Variants in KCNH7 observed in about 807,000 individuals in gnomAD.
KCNH7 encodes potassium voltage-gated channel subfamily H member 7.
KCNH7 carries 49 observed loss-of-function variants against 120.8 expected under a neutral mutation model. That is an observed-to-expected ratio of 0.41 (90% CI 0.32 to 0.51). The LOEUF (loss-of-function observed/expected upper bound fraction) is 0.51. Among genes scored for constraint, KCNH7 ranks in the 20% least tolerant of loss-of-function variants. The pLI is 0.38. For missense variants in KCNH7, 1,097 were observed against 1,446.6 expected, an observed-to-expected ratio of 0.76 and a Z score of 3.92; for synonymous variants, 547 against 516.1, an observed-to-expected ratio of 1.06 and a Z score of -0.81.
chr2:162,437,039 T>G (rs370498154), intron 7 of KCNH7, among the ~76,000 whole-genome samples: 1 of 152,146 alleles, frequency 6.6e-6, no homozygotes, highest in East Asian at 1.9e-4. Flanking sequence ...GAGGATCACT[T>G]GAGCCCAGGA....
At chr2:162,530,518 G>A (rs1219558346) in intron 3 of KCNH7, among the ~76,000 whole-genome samples, 7 of 151,864 alleles carry the variant, frequency 4.6e-5, no homozygotes, top group African/African-American at 1.7e-4. Flanking sequence ...TAGTGAGAGA[G>A]TAAGCATTGG....
At chr2:162,778,995 C>T (rs1234182331) in intron 2 of KCNH7, among the ~76,000 whole-genome samples, 3 of 140,334 alleles carry the variant, frequency 2.1e-5, no homozygotes, top group Admixed American at 1.5e-4. Context: ...CTAGGTCATT[C>T]AAACGCAATT....
chr2:162,414,689 G>A (rs541005229), intron 9 of KCNH7, among the ~76,000 whole-genome samples: 1 of 151,994 alleles, frequency 6.6e-6, no homozygotes, highest in South Asian at 2.1e-4. Flanking sequence ...AGTTATGGAA[G>A]TTTACACACA....
chr2:162,741,095 C>T (rs919891590), intron 2 of KCNH7, among the ~76,000 whole-genome samples: 3 of 151,962 alleles, frequency 2.0e-5, no homozygotes, highest in Non-Finnish European at 4.4e-5. Flanking sequence ...ACCTAGTCTT[C>T]TAAGTATAAA....
In KCNH7 at chr2:162,429,877, AT is replaced by A. The variant is rs780846857; in HGVS notation, c.1954+5320del. Reference sequence around the variant, plus strand: ...AAAATTTCTATCATTAAAAAAACAGATTTTTTTTTTTGCTTGCCTTCATCAT... The same window carrying A: ...AAAATTTCTATCATTAAAAAAACAGATTTTTTTTTTGCTTGCCTTCATCAT... On this transcript the variant is annotated intron_variant, in intron 8 of 15. Coordinates refer to ENST00000332142, the MANE Select transcript of KCNH7 (RefSeq NM_033272.4). 1.3e-3 allele frequency among the ~76,000 whole-genome samples: 185 copies of A among 145,050 alleles called. 2 individuals carry two copies. Among genetic ancestry groups the A allele is most frequent in the East Asian group, 0.011 (55 of 4,980 alleles).
chr2:162,508,840 G>A (rs572597704), intron 5 of KCNH7, among the ~76,000 whole-genome samples: 4 of 151,416 alleles, frequency 2.6e-5, no homozygotes, highest in Non-Finnish European at 5.9e-5. Context: ...TGAAAGAAAG[G>A]AGAATAACCT....
chr2:162,537,423 A>G (rs918632312), intron 2 of KCNH7, among the ~76,000 whole-genome samples: 1 of 152,050 alleles, frequency 6.6e-6, no homozygotes, highest in African/African-American at 2.4e-5. Flanking sequence ...TTTTCTTATA[A>G]ATTTTGATTA....
intron 14 of KCNH7, among the ~76,000 whole-genome samples, chr2:162,378,739 T>C (rs551006462): frequency 6.6e-6 from 1 of 152,326 alleles, no homozygotes; most frequent in South Asian, 2.1e-4. Flanking sequence ...GATATCAGTA[T>C]CATCGCATCT....
chr2:162,706,484 C>T (rs1360536420), intron 2 of KCNH7, among the ~76,000 whole-genome samples: 2 of 151,954 alleles, frequency 1.3e-5, no homozygotes, highest in Non-Finnish European at 2.9e-5. Context: ...GACTGATGGT[C>T]ACAGTCATTA....
At chr2:162,572,597 T>C (rs113603988) in intron 2 of KCNH7, among the ~76,000 whole-genome samples, 24,268 of 72,640 alleles carry the variant, frequency 0.33, 4,048 homozygotes, top group Middle Eastern at 0.53. Flanking sequence ...CACATGCACA[T>C]GTATGTTTAT....
chr2:162,558,333 C>A (rs1277459305), intron 2 of KCNH7, among the ~76,000 whole-genome samples: 2 of 151,966 alleles, frequency 1.3e-5, no homozygotes, highest in Non-Finnish European at 2.9e-5. Flanking sequence ...CGCCACCATG[C>A]CCAGCTAATT....
chr2:162,783,313 A>T (rs1315125966), intron 2 of KCNH7, among the ~76,000 whole-genome samples: 1 of 152,124 alleles, frequency 6.6e-6, no homozygotes, highest in African/African-American at 2.4e-5. Context: ...TTATCCCATG[A>T]CACTCATTAG....
chr2:162,425,234 C>T (rs377537852), intron 8 of KCNH7, among the ~76,000 whole-genome samples: 2 of 151,860 alleles, frequency 1.3e-5, no homozygotes, highest in Admixed American at 6.6e-5. Flanking sequence ...TATAACTGTG[C>T]GAGCCAATTT....
intron 2 of KCNH7, among the ~76,000 whole-genome samples, chr2:162,573,672 A>C (rs1693571633): frequency 6.6e-6 from 1 of 152,148 alleles, no homozygotes; most frequent in East Asian, 1.9e-4. Context: ...TGTTGCATAC[A>C]TCTAAATTAA....
At chr2:162,469,901 G>C (rs528582985) in intron 6 of KCNH7, among the ~76,000 whole-genome samples, 22 of 152,344 alleles carry the variant, frequency 1.4e-4, no homozygotes, top group African/African-American at 5.3e-4. Flanking sequence ...TGGAGACGGG[G>C]TTTCGCTGTC....
chr2:162,726,637 C>G (rs1687533329), intron 2 of KCNH7, among the ~76,000 whole-genome samples: 1 of 152,112 alleles, frequency 6.6e-6, no homozygotes, highest in South Asian at 2.1e-4. Context: ...CCAGTCTGGT[C>G]TTGAACTCCT....
At chr2:162,529,795 T>C (rs1691852160) in intron 3 of KCNH7, among the ~76,000 whole-genome samples, 1 of 151,870 alleles carries the variant, frequency 6.6e-6, no homozygotes, top group Admixed American at 6.6e-5. Flanking sequence ...AATTTTCTCT[T>C]TCACTCCGTA....
intron 2 of KCNH7, among the ~76,000 whole-genome samples, chr2:162,607,734 G>A (rs1682829826): frequency 6.6e-6 from 1 of 151,904 alleles, no homozygotes; most frequent in African/African-American, 2.4e-5. Flanking sequence ...TAAGTTGAAT[G>A]AAAATTCCAA....
chr2:162,838,340 A>T, intron 1 of KCNH7, 103 bp downstream of exon 1: 1 of 897,688 alleles, frequency 1.1e-6, no homozygotes, highest in Non-Finnish European at 1.8e-6. Flanking sequence ...TCTTAAGTTG[A>T]CAGAGCCTGG....
Sources: gnomAD v4.1 joint callset for allele counts (sites outside exome capture counted in the v4.1 genomes callset) on GRCh38, gnomAD v4.1.1 for gene constraint, MANE v1.5 for transcripts, NCBI Gene and HGNC (gene_info 2026-07-23, HGNC 2026-07-21) for gene names.